Variants in CDK6 observed in about 807,000 individuals in gnomAD.
The protein encoded by CDK6 is cyclin dependent kinase 6.
Under a neutral mutation model 37.1 loss-of-function variants are expected in CDK6, and 6 were observed. That is an observed-to-expected ratio of 0.16 (90% CI 0.09 to 0.32). The LOEUF (loss-of-function observed/expected upper bound fraction) is 0.32. CDK6 is among the 10% of genes least tolerant of loss of function. CDK6 has a pLI of 1.00. For synonymous variants in CDK6, 160 were observed against 161.3 expected (o/e 0.99, Z 0.06); for missense variants, 224 against 418.9 (o/e 0.53, Z 4.06).
chr7:92,796,104 A>C (rs1012776304), intron 2 of CDK6, among the ~76,000 whole-genome samples: 1 of 151,730 alleles, frequency 6.6e-6, no homozygotes, highest in African/African-American at 2.4e-5. Context: ...AAAAAAAAAA[A>C]ACTCATCCAA....
Position 92,669,348 on chromosome 7 carries a change from C to T in CDK6, c.647+2078G>A, listed in dbSNP as rs186406688. Among the ~76,000 whole-genome samples the T allele has an allele frequency of 5.3e-4, 80 of 152,268 alleles. 1 individual carries two copies. The highest frequency in any genetic ancestry group is 1.8e-4 in the Non-Finnish European group (12 of 68,020). The stretch of plus-strand genomic sequence containing the variant: ...AAATTTGTTCCACAAATGGAGATTG[C>T]CTATACAGCAAATTCCTTAGTAGTG... On this transcript the variant is annotated intron_variant, in intron 5 of 7. Coordinates refer to ENST00000424848, the MANE Select transcript of CDK6 (RefSeq NM_001145306.2).
chr7:92,829,138 A>G (rs1167529739), intron 2 of CDK6, among the ~76,000 whole-genome samples: 1 of 152,188 alleles, frequency 6.6e-6, no homozygotes, highest in African/African-American at 2.4e-5. Flanking sequence ...GGTTTTCCAG[A>G]GAAAATCACA....
In CDK6 at chr7:92,762,578, T is replaced by C. The variant is rs561486361; in HGVS notation, c.369+12118A>G. On this transcript the variant is annotated intron_variant, in intron 3 of 7. Transcript: ENST00000424848. Reference sequence around the variant, plus strand: ...CCGTATTCATAGAACACCTTTTTTTTTTTTTTTGAGATGGAATCTCGCTCT... The same window carrying C: ...CCGTATTCATAGAACACCTTTTTTTCTTTTTTTGAGATGGAATCTCGCTCT... Among the ~76,000 whole-genome samples, 6 of 152,158 alleles carry C rather than the reference T, an allele frequency of 3.9e-5. No individual in the cohort carries two copies. In the South Asian group the frequency reaches 1.2e-3, roughly 32 times the overall value.
chr7:92,807,632 T>C (rs1484837449), intron 2 of CDK6, among the ~76,000 whole-genome samples: 2 of 151,936 alleles, frequency 1.3e-5, no homozygotes, highest in Non-Finnish European at 2.9e-5. Context: ...CACCTAAACT[T>C]CCTGCTTGCC....
intron 2 of CDK6, among the ~76,000 whole-genome samples, chr7:92,824,562 C>T (rs1208475570): frequency 6.6e-6 from 1 of 151,954 alleles, no homozygotes; most frequent in Non-Finnish European, 1.5e-5. Context: ...TATCCAATAC[C>T]CAAATGAAAG....
chr7:92,787,178 T>G, intron 2 of CDK6, among the ~76,000 whole-genome samples: 1 of 102,928 alleles, frequency 9.7e-6, no homozygotes, highest in Non-Finnish European at 1.8e-5. Flanking sequence ...TAAGTGAGAC[T>G]CCATCACAAA....
chr7:92,715,909 A>G (rs565347078), intron 4 of CDK6, among the ~76,000 whole-genome samples: 18 of 152,354 alleles, frequency 1.2e-4, no homozygotes, highest in African/African-American at 4.3e-4. Context: ...AAATAAAAGC[A>G]TAACATACAG....
At chr7:92,623,293 T>C (rs1220702906) in intron 5 of CDK6, among the ~76,000 whole-genome samples, 1 of 152,140 alleles carries the variant, frequency 6.6e-6, no homozygotes, top group East Asian at 1.9e-4. Context: ...TACCTGGTGG[T>C]AGATGAATTC....
chr7:92,777,108 G>T (rs1799869805), intron 2 of CDK6, among the ~76,000 whole-genome samples: 1 of 152,066 alleles, frequency 6.6e-6, no homozygotes, highest in African/African-American at 2.4e-5. Context: ...TCCAGTTTCA[G>T]TTTTCTGCAT....
chr7:92,609,789 A>G lies in CDK6; in HGVS notation c.*5351T>C. 1 of 230,320 alleles carries G rather than the reference A, an allele frequency of 4.3e-6. No individual in the cohort carries two copies. Among genetic ancestry groups the G allele is most frequent in the Non-Finnish European group, 8.6e-6 (1 of 116,258 alleles). The allele number at this position is 230,320 out of a possible 1,614,324, so 14.3% of individuals were successfully genotyped here. ...TAAGCCTGTTTTAATCTAGAAAAGT[A>G]AGGTAACTGGGTACTTCAAAAATTT... is the stretch of plus-strand genomic sequence containing the variant. On this transcript the variant is annotated 3_prime_UTR_variant, in exon 8 of 8. Transcript: ENST00000424848.
chr7:92,801,915 G>A (rs945622674), intron 2 of CDK6, among the ~76,000 whole-genome samples: 10 of 150,798 alleles, frequency 6.6e-5, no homozygotes, highest in Non-Finnish European at 1.2e-4. Context: ...GAGCTGCTGC[G>A]CCACCCCGCC....
chr7:92,657,220 C>T (rs1265897089), intron 5 of CDK6, among the ~76,000 whole-genome samples: 3 of 152,150 alleles, frequency 2.0e-5, no homozygotes, highest in African/African-American at 7.2e-5. Context: ...GACTCAATGG[C>T]TGAAAGATGT....
chr7:92,833,249 C>G lies in CDK6; in HGVS notation c.75G>C (p.Gly25=). Residue 25 remains glycine, a synonymous_variant, in exon 2 of 8, where the codon GGG becomes GGC. Coordinates refer to ENST00000424848, the MANE Select transcript of CDK6 (RefSeq NM_001145306.2). This position sits in a 1 kb window ranked among gnomAD's most constrained non-coding sequence, Gnocchi z 6.1. ...CVAEIGEGAY[G]KVFKARDLKN... Reference sequence around the variant, plus strand: ...TCAAGTCGCGGGCCTTGAACACCTTCCCATAGGCGCCCTCCCCGATCTCCG... The same window carrying G: ...TCAAGTCGCGGGCCTTGAACACCTTGCCATAGGCGCCCTCCCCGATCTCCG... The G allele has an allele frequency of 6.2e-7, 1 of 1,610,774 alleles. No homozygotes were observed. Among genetic ancestry groups the G allele is most frequent in the Non-Finnish European group, 8.5e-7 (1 of 1,179,196 alleles).
intron 4 of CDK6, among the ~76,000 whole-genome samples, chr7:92,723,277 T>C (rs1798410842): frequency 6.6e-6 from 1 of 152,072 alleles, no homozygotes; most frequent in Admixed American, 6.6e-5. Flanking sequence ...ACCTCTGGAG[T>C]CAGGCTTTGC....
At chr7:92,812,711 C>T (rs568903489) in intron 2 of CDK6, among the ~76,000 whole-genome samples, 2 of 152,280 alleles carry the variant, frequency 1.3e-5, no homozygotes, top group African/African-American at 2.4e-5. Flanking sequence ...CACACATGAG[C>T]CACTGTGCCT....
At chr7:92,680,925 C>G (rs995715369) in intron 4 of CDK6, among the ~76,000 whole-genome samples, 17 of 152,190 alleles carry the variant, frequency 1.1e-4, no homozygotes, top group Non-Finnish European at 1.9e-4. Flanking sequence ...TTCTATAGTA[C>G]TTGACCCTTT....
At chr7:92,694,674 G>A (rs1473378973) in intron 4 of CDK6, among the ~76,000 whole-genome samples, 1 of 152,178 alleles carries the variant, frequency 6.6e-6, no homozygotes, top group African/African-American at 2.4e-5. Flanking sequence ...AGAGGCTGTT[G>A]TCTGTCTCGT....
chr7:92,753,444 T>C (rs914284684), intron 3 of CDK6, among the ~76,000 whole-genome samples: 2 of 152,190 alleles, frequency 1.3e-5, no homozygotes, highest in Admixed American at 1.3e-4. Context: ...GAAATACTTT[T>C]ATTTCTCAAT....
At chr7:92,752,551 T>C (rs1276594454) in intron 3 of CDK6, among the ~76,000 whole-genome samples, 1 of 152,234 alleles carries the variant, frequency 6.6e-6, no homozygotes, top group Non-Finnish European at 1.5e-5. Context: ...ATCATTTTAA[T>C]GCATGTTAGG....
Sources: gnomAD v4.1 joint callset for allele counts (sites outside exome capture counted in the v4.1 genomes callset) on GRCh38, gnomAD v4.1.1 for gene constraint, Gnocchi (gnomAD v3.1) non-coding constraint, MANE v1.5 for transcripts, NCBI Gene and HGNC (gene_info 2026-07-23, HGNC 2026-07-21) for gene names.